The following KAZN variants were observed in gnomAD, a reference collection of about 807,000 sequenced individuals.
The protein encoded by KAZN is kazrin, periplakin interacting protein, also known as kazrin.
A neutral mutation model predicts 87.4 loss-of-function variants in KAZN; 40 were observed. The observed-to-expected ratio is 0.46, with a 90% CI of 0.36 to 0.60. The LOEUF (loss-of-function observed/expected upper bound fraction) is 0.60, where lower values mean the gene tolerates loss of function less well. Among genes scored for constraint, KAZN ranks in the 20% least tolerant of loss-of-function variants. KAZN has a pLI of 0.00. For synonymous variants in KAZN, 466 were observed against 458.3 expected, an observed-to-expected ratio of 1.02 and a Z score of -0.22; for missense variants, 898 against 1,073.9, an observed-to-expected ratio of 0.84 and a Z score of 2.29.
chr1:15,076,707 C>T (rs1470351280), intron 8 of KAZN, among the ~76,000 whole-genome samples: 1 of 152,192 alleles, frequency 6.6e-6, no homozygotes, highest in African/African-American at 2.4e-5. Flanking sequence ...AATCTTGAGT[C>T]CCCCTCTCTG....
intron 2 of KAZN, among the ~76,000 whole-genome samples, chr1:14,263,310 G>T (rs149801235): frequency 6.6e-6 from 1 of 152,146 alleles, no homozygotes; most frequent in East Asian, 1.9e-4. Flanking sequence ...GTAACAACTC[G>T]AAAGATGATC....
At chr1:14,167,339 G>T (rs1645852245) in intron 1 of KAZN, among the ~76,000 whole-genome samples, 1 of 152,194 alleles carries the variant, frequency 6.6e-6, no homozygotes, top group South Asian at 2.1e-4. Context: ...AGCCTCTGAA[G>T]GGTCACTGGA....
At chr1:14,365,368 T>TGGGGG (rs796259489) in intron 2 of KAZN, among the ~76,000 whole-genome samples, 7 of 83,146 alleles carry the variant, frequency 8.4e-5, no homozygotes, top group African/African-American at 2.5e-4. Context: ...CCCCCCGGGG[T>TGGGGG]GGGGGGGGGG....
intron 1 of KAZN, among the ~76,000 whole-genome samples, chr1:14,937,690 G>A (rs889945951): frequency 2.0e-5 from 3 of 152,220 alleles, no homozygotes; most frequent in African/African-American, 7.2e-5. Flanking sequence ...GCACATCCCT[G>A]ATAGAGCTGA....
rs138420256 is a variant in KAZN, at chr1:14,200,977, G to A, written c.249+20385G>A. Among the ~76,000 whole-genome samples, 457 of 152,098 alleles carry A rather than the reference G, an allele frequency of 3.0e-3. 3 individuals are homozygous for A. The highest frequency in any genetic ancestry group is 0.01 in the African/African-American group (427 of 41,492). ...ACTCAAACACAAACTTTCCTCAAGCGTTCCCAACACACCTGTGCTTCTTTC... is the reference window on the plus strand; with the variant it reads ...ACTCAAACACAAACTTTCCTCAAGCATTCCCAACACACCTGTGCTTCTTTC... On this transcript the variant is annotated intron_variant, in intron 2 of 16. Coordinates refer to the KAZN transcript ENST00000636203.
At chr1:14,340,386 T>C (rs952544435) in intron 2 of KAZN, among the ~76,000 whole-genome samples, 2 of 152,236 alleles carry the variant, frequency 1.3e-5, no homozygotes, top group Admixed American at 1.3e-4. Context: ...TCTCTGTTTT[T>C]CTTAAGTCAC....
intron 1 of KAZN, among the ~76,000 whole-genome samples, chr1:14,954,691 TCA>T (rs1031769370): frequency 6.6e-6 from 1 of 151,988 alleles, no homozygotes; most frequent in African/African-American, 2.4e-5. Flanking sequence ...GCCCAGTGGC[TCA>T]CACCTGTAAT....
At chr1:14,509,720 AG>A (rs1670801321) in intron 2 of KAZN, among the ~76,000 whole-genome samples, 2 of 152,306 alleles carry the variant, frequency 1.3e-5, no homozygotes, top group Admixed American at 6.5e-5. Context: ...TTTTCCTGGA[AG>A]AGGCAAAAAC....
In KAZN at chr1:14,598,748, C is replaced by A; in HGVS notation, c.-250C>A. ...TCGGCGATCGCTGCTCCTCCTCCTC[C>A]TTCTCCTCCTCTTTTTTCTCCTCCG... On this transcript the variant is annotated 5_prime_UTR_variant, in exon 1 of 15. Transcript: ENST00000376030. This position sits in a 1 kb window ranked among gnomAD's most constrained non-coding sequence, Gnocchi z 4.2. 1 of 1,338,526 alleles carries A rather than the reference C, an allele frequency of 7.5e-7. No individual in the cohort carries two copies. The highest frequency in any genetic ancestry group is 2.1e-5 in the South Asian group (1 of 48,218). 82.9% of individuals were successfully genotyped at this position (1,338,526 alleles called of 1,614,324 possible).
chr1:14,398,837 G>A (rs1427116561), intron 2 of KAZN, among the ~76,000 whole-genome samples: 1 of 152,084 alleles, frequency 6.6e-6, no homozygotes, highest in Non-Finnish European at 1.5e-5. Context: ...GCAGGACCCC[G>A]TTGTGTTTCC....
Position 15,048,655 on chromosome 1 carries a change from C to CGGTCCTGGGTCGTCGGTCCTGGGTCGTT in KAZN, c.726+4508_726+4509insTCGGTCCTGGGTCGTTGGTCCTGGGTCG, listed in dbSNP as rs1557754339. Among the ~76,000 whole-genome samples the CGGTCCTGGGTCGTCGGTCCTGGGTCGTT allele has an allele frequency of 3.1e-3, 273 of 88,304 alleles. 1 individual carries two copies. Among genetic ancestry groups the CGGTCCTGGGTCGTCGGTCCTGGGTCGTT allele is most frequent in the Non-Finnish European group, 3.3e-3 (155 of 46,426 alleles). 57.9% of individuals were successfully genotyped at this position (88,304 alleles called of 152,430 possible). A position where few individuals can be genotyped will look rare whatever the true frequency, so the allele number is the denominator to read the frequency against. Reference sequence around the variant, plus strand: ...TCCTGGGTCGTCGGTCCTGGGTCGTCGGTCCTGGGTCGCTGGTCCTGGGTC... The same window carrying CGGTCCTGGGTCGTCGGTCCTGGGTCGTT: ...TCCTGGGTCGTCGGTCCTGGGTCGTCGGTCCTGGGTCGTCGGTCCTGGGTCGTTGGTCCTGGGTCGCTGGTCCTGGGTC... On this transcript the variant is annotated intron_variant, in intron 4 of 14. Coordinates refer to ENST00000376030, the MANE Select transcript of KAZN (RefSeq NM_201628.3).
chr1:14,323,022 G>T (rs1656153769), intron 2 of KAZN, among the ~76,000 whole-genome samples: 1 of 152,102 alleles, frequency 6.6e-6, no homozygotes, highest in South Asian at 2.1e-4. Context: ...GAGTGAAGAG[G>T]GAAGAGCCCC....
chr1:14,268,215 T>C (rs1228095981), intron 2 of KAZN, among the ~76,000 whole-genome samples: 3 of 152,142 alleles, frequency 2.0e-5, no homozygotes, highest in Admixed American at 6.5e-5. Context: ...GAAGTTAATA[T>C]ATGTGAAGAT....
At chr1:14,490,427 T>TA (rs1206615673) in intron 2 of KAZN, among the ~76,000 whole-genome samples, 1 of 152,250 alleles carries the variant, frequency 6.6e-6, no homozygotes, top group East Asian at 1.9e-4. Flanking sequence ...AAAGTCTTTG[T>TA]ATAGCCTGAG....
At chr1:14,641,339 C>G (rs572837858) in intron 1 of KAZN, among the ~76,000 whole-genome samples, 1 of 152,196 alleles carries the variant, frequency 6.6e-6, no homozygotes, top group Admixed American at 6.5e-5. Flanking sequence ...GATATCCCTG[C>G]ATCCAGTTGG....
chr1:14,789,915 G>T (rs149168674), intron 1 of KAZN, among the ~76,000 whole-genome samples: 88 of 151,860 alleles, frequency 5.8e-4, no homozygotes, highest in Admixed American at 1.6e-3. Flanking sequence ...ACCACCATTT[G>T]TCAAAGGATT....
chr1:14,927,301 C>T (rs1382968989), intron 1 of KAZN, among the ~76,000 whole-genome samples: 3 of 152,086 alleles, frequency 2.0e-5, no homozygotes, highest in Non-Finnish European at 4.4e-5. Flanking sequence ...GCATCTGCTC[C>T]GGGCCAGGCA....
intron 1 of KAZN, among the ~76,000 whole-genome samples, chr1:13,928,455 G>T (rs540010678): frequency 1.3e-5 from 2 of 152,216 alleles, no homozygotes; most frequent in East Asian, 1.9e-4. Context: ...CTTAGAAAGG[G>T]TAAGTGACTT....
intron 2 of KAZN, among the ~76,000 whole-genome samples, chr1:14,544,700 C>T (rs1322424524): frequency 1.3e-5 from 2 of 148,350 alleles, no homozygotes; most frequent in Non-Finnish European, 3.0e-5. Flanking sequence ...TTAAGGGAAA[C>T]TAAGGATGCT....
Sources: allele counts gnomAD v4.1 joint callset (sites outside exome capture counted in the v4.1 genomes callset), GRCh38; gene constraint gnomAD v4.1.1; non-coding constraint Gnocchi (gnomAD v3.1); transcripts MANE v1.5; gene names NCBI Gene and HGNC (gene_info 2026-07-23, HGNC 2026-07-21).